DIS3L2: variants seen among roughly 807,000 people sequenced by gnomAD.
DIS3L2 encodes the protein DIS3-like exonuclease 2.
A neutral mutation model predicts 97.5 loss-of-function variants in DIS3L2; 34 were observed. The ratio of observed to expected loss-of-function variants is 0.35; its 90% CI spans 0.27 to 0.46. DIS3L2 has a LOEUF of 0.46. DIS3L2 is among the 20% of genes least tolerant of loss of function. The pLI is 1.00. For synonymous variants in DIS3L2, 435 were observed against 445.2 expected, an observed-to-expected ratio of 0.98 and a Z score of 0.29; for missense variants, 1,038 against 1,146.0, an observed-to-expected ratio of 0.91 and a Z score of 1.36.
At chr2:232,335,136 G>A in intron 19 of DIS3L2, 1 of 203,380 alleles carries the variant, frequency 4.9e-6, no homozygotes, top group Admixed American at 5.3e-5. Flanking sequence ...CTGAGTGACT[G>A]TTGACTCACA....
At chr2:232,301,584 T>G (rs1694856640) in intron 14 of DIS3L2, among the ~76,000 whole-genome samples, 2 of 152,192 alleles carry the variant, frequency 1.3e-5, no homozygotes, top group Admixed American at 1.3e-4. Context: ...GATGACTGTT[T>G]GTAATTTATC....
intron 5 of DIS3L2, among the ~76,000 whole-genome samples, chr2:232,046,376 G>T (rs1163533331): frequency 6.6e-6 from 1 of 152,164 alleles, no homozygotes; most frequent in African/African-American, 2.4e-5. Flanking sequence ...CACTGAATGA[G>T]AATTTGCATT....
intron 5 of DIS3L2, among the ~76,000 whole-genome samples, chr2:232,062,709 CCTCTTAATGAACAGAA>C (rs1244307988): frequency 6.6e-6 from 1 of 152,112 alleles, no homozygotes; most frequent in Non-Finnish European, 1.5e-5. Context: ...TCTCCCAAGC[CCTCTTAATGAACAGAA>C]ACTAGGAAAG....
At chr2:232,045,965 G>A (rs1157781113) in intron 5 of DIS3L2, among the ~76,000 whole-genome samples, 4 of 152,134 alleles carry the variant, frequency 2.6e-5, no homozygotes, top group Non-Finnish European at 2.9e-5. Context: ...GTGAGCCACC[G>A]CGCATGGCCA....
intron 3 of DIS3L2, among the ~76,000 whole-genome samples, chr2:232,019,410 T>C (rs905352095): frequency 2.0e-5 from 3 of 152,034 alleles, no homozygotes; most frequent in African/African-American, 7.2e-5. Context: ...CAGCCAGGCA[T>C]GGTGATGTGC....
chr2:231,987,173 G>A (rs1401036113), intron 1 of DIS3L2, among the ~76,000 whole-genome samples: 1 of 152,182 alleles, frequency 6.6e-6, no homozygotes. Flanking sequence ...GCTTGGTCTA[G>A]TCTTTGTTAA....
intron 6 of DIS3L2, among the ~76,000 whole-genome samples, chr2:232,123,940 A>G (rs1022497719): frequency 2.0e-5 from 3 of 152,210 alleles, no homozygotes; most frequent in African/African-American, 4.8e-5. Flanking sequence ...GAATTGGTTT[A>G]AGGACTGGTG....
chr2:232,141,209 T>A (rs948112769), intron 8 of DIS3L2, among the ~76,000 whole-genome samples: 1 of 112,566 alleles, frequency 8.9e-6, no homozygotes, highest in Non-Finnish European at 2.4e-5. Flanking sequence ...GTCTAGAGTT[T>A]ACAGTTCCAG....
intron 14 of DIS3L2, among the ~76,000 whole-genome samples, chr2:232,304,962 T>C (rs1694950583): frequency 2.0e-5 from 3 of 152,252 alleles, no homozygotes; most frequent in Non-Finnish European, 4.4e-5. Flanking sequence ...CTGTATCTGT[T>C]AATGCTGCAT....
Position 232,252,581 on chromosome 2 carries a change from A to C in DIS3L2, c.1425+3235A>C, listed in dbSNP as rs550458152. ...GATAATTGTGGCTATTCATTTTTGT[A>C]CTACACCAAACTTTAATAGTTTCTC... On this transcript the variant is annotated intron_variant, in intron 12 of 20. Coordinates refer to ENST00000325385, the MANE Select transcript of DIS3L2 (RefSeq NM_152383.5). Among the ~76,000 whole-genome samples, 8 of 152,318 alleles carry C rather than the reference A, an allele frequency of 5.3e-5. No individual in the cohort carries two copies. In the South Asian group the frequency reaches 1.0e-3, roughly 20 times the overall value.
intron 9 of DIS3L2, among the ~76,000 whole-genome samples, chr2:232,174,659 G>A (rs1691098308): frequency 6.6e-6 from 1 of 150,602 alleles, no homozygotes; most frequent in Non-Finnish European, 1.5e-5. Flanking sequence ...GTATTTAGAA[G>A]TTCATGTCAT....
At chr2:232,247,633 GGGCGGGGGGGA>G in intron 11 of DIS3L2, among the ~76,000 whole-genome samples, 1 of 66,234 alleles carries the variant, frequency 1.5e-5, no homozygotes, top group Non-Finnish European at 3.6e-5. Flanking sequence ...GGGGGGGGGG[GGGCGGGGGGGA>G]GGGTGCCAAT....
intron 13 of DIS3L2, among the ~76,000 whole-genome samples, chr2:232,282,142 TAAAAAA>T (rs60408194): frequency 6.8e-4 from 73 of 107,146 alleles, no homozygotes; most frequent in East Asian, 5.1e-3. Context: ...CTCGTTTATT[TAAAAAA>T]AAAAAAAAAA....
chr2:232,076,994 C>G (rs1400443615), intron 5 of DIS3L2, among the ~76,000 whole-genome samples: 1 of 152,212 alleles, frequency 6.6e-6, no homozygotes, highest in African/African-American at 2.4e-5. Flanking sequence ...TGACATCATG[C>G]TATACCCAGC....
intron 9 of DIS3L2, among the ~76,000 whole-genome samples, chr2:232,164,495 T>C (rs1433822164): frequency 1.3e-5 from 2 of 152,158 alleles, no homozygotes; most frequent in African/African-American, 4.8e-5. Context: ...TCATCCCATG[T>C]CAAAGTCTTT....
At chr2:232,139,133 A>G (rs898272105) in intron 8 of DIS3L2, among the ~76,000 whole-genome samples, 3 of 152,228 alleles carry the variant, frequency 2.0e-5, no homozygotes, top group African/African-American at 7.2e-5. Flanking sequence ...GTAGAGATTA[A>G]TATAAGAAGC....
At chr2:232,275,715 CAT>C (rs979020777) in intron 13 of DIS3L2, among the ~76,000 whole-genome samples, 1 of 152,154 alleles carries the variant, frequency 6.6e-6, no homozygotes, top group Non-Finnish European at 1.5e-5. Context: ...TAATTGCCCA[CAT>C]GTTTTTTTAG....
rs6733152 is a variant in DIS3L2 at position 232,329,694 on chromosome 2, T to G, written c.1740-119T>G. The G allele has an allele frequency of 2.4e-3, 2,507 of 1,052,164 alleles. 58 individuals carry two copies. In the African/African-American group the frequency reaches 0.037, roughly 15 times the overall value. The allele number at this position is 1,052,164 out of a possible 1,614,324, so 65.2% of individuals were successfully genotyped here. On this transcript the variant is annotated intron_variant, in intron 14 of 20. Coordinates refer to ENST00000325385, the MANE Select transcript of DIS3L2 (RefSeq NM_152383.5). ...ATGAGATGAGGTAGCTGGGAGGTTG[T>G]CTTTAAGCTGAGACCTGAAGGGTGA...
At chr2:231,978,079 A>G (rs1405573518) in intron 1 of DIS3L2, among the ~76,000 whole-genome samples, 8 of 152,238 alleles carry the variant, frequency 5.3e-5, no homozygotes, top group Admixed American at 5.2e-4. Context: ...TTTTCAGTGG[A>G]AAAGATTGAG....
Sources: gnomAD v4.1 joint callset for allele counts (sites outside exome capture counted in the v4.1 genomes callset) on GRCh38, gnomAD v4.1.1 for gene constraint, MANE v1.5 for transcripts, NCBI Gene and HGNC (gene_info 2026-07-23, HGNC 2026-07-21) for gene names.